The following CAMTA2 variants were observed in gnomAD, a reference collection of about 807,000 sequenced individuals.
CAMTA2 encodes calmodulin binding transcription activator 2, also known as calmodulin-binding transcription activator 2.
In CAMTA2, 56 loss-of-function variants were observed where a neutral mutation model predicts 135.7. That is an observed-to-expected ratio of 0.41 (90% CI 0.33 to 0.52). The LOEUF is 0.52. CAMTA2 is among the 20% of genes least tolerant of loss of function. CAMTA2 has a pLI of 0.16. For synonymous variants in CAMTA2, 591 were observed against 604.6 expected (o/e 0.98, Z 0.33); for missense variants, 1,358 against 1,553.4 (o/e 0.87, Z 2.11).
At chr17:4,971,022 C>T (rs1276153171) in intron 16 of CAMTA2, among the ~76,000 whole-genome samples, 1 of 152,226 alleles carries the variant, frequency 6.6e-6, no homozygotes, top group East Asian at 1.9e-4. Flanking sequence ...ACACTCAACA[C>T]AACCTACTTG....
At chr17:4,985,671 G>A (rs1973231491) in intron 3 of CAMTA2, among the ~76,000 whole-genome samples, 2 of 152,030 alleles carry the variant, frequency 1.3e-5, no homozygotes, top group African/African-American at 4.8e-5. Context: ...TGATCCACCC[G>A]CCTCAGCCTC....
rs1236535137 is a variant in CAMTA2 at position 4,980,521 on chromosome 17, A to T, written c.801T>A (p.Ala267=). 7 of 1,416,232 alleles carry T rather than the reference A, an allele frequency of 4.9e-6. No individual in the cohort carries two copies. The African/African-American group carries it at 5.8e-5, about 12-fold the overall frequency. 87.7% of individuals were successfully genotyped at this position (1,416,232 alleles called of 1,614,324 possible). The part of the protein sequence containing the change: ...RALTLTSIPH[A]HPPEPPPLIA... ...TCAGTGGAGGAGGCTCTGGGGGGTG[A>T]GCGTGGGGGATAGAGGTCAGGGTTA... Residue 267 remains alanine (A), a synonymous_variant, in exon 9 of 23, where the codon GCT becomes GCA. Transcript: ENST00000348066. The surrounding 1 kb of genome is among the most constrained non-coding windows in gnomAD (Gnocchi z 5.3).
chr17:4,979,896 AG>A lies in CAMTA2; in HGVS notation c.1425del (p.Leu476TrpfsTer7). ...CTTCCTACCCTGCTTGACGGCTCCAAGGGGGCAGGTGAGGGTGGGGGTGAGG... is the reference window on the plus strand; with the variant it reads ...CTTCCTACCCTGCTTGACGGCTCCAAGGGGCAGGTGAGGGTGGGGGTGAGG... ...PPPSPPPSPA[P>X]LEPSSRVGRG... On this transcript the variant is annotated frameshift_variant, in exon 9 of 23. Transcript: ENST00000348066. LOFTEE classifies it high-confidence loss of function. 8.1e-7 allele frequency: 1 copy of A among 1,235,656 alleles called. No homozygotes were observed. Among genetic ancestry groups the A allele is most frequent in the Non-Finnish European group, 1.1e-6 (1 of 928,398 alleles). The allele number at this position is 1,235,656 out of a possible 1,614,324, so 76.5% of individuals were successfully genotyped here.
Position 4,969,202 on chromosome 17 carries a change from G to A in CAMTA2, c.3418C>T (p.Arg1140Cys), listed in dbSNP as rs752225305. 1.9e-6 allele frequency: 3 copies of A among 1,612,210 alleles called. No individual in the cohort carries two copies. The highest frequency in any genetic ancestry group is 2.5e-6 in the Non-Finnish European group (3 of 1,179,878). Residue 1140 changes from arginine to cysteine, a missense_variant, in exon 21 of 23, where the codon CGC becomes TGC. This residue lies in a region of CAMTA2 where 167 missense variants were observed against 207.0 expected (regional missense o/e 0.81). Transcript: ENST00000348066. This position sits in a 1 kb window ranked among gnomAD's most constrained non-coding sequence, Gnocchi z 5.6. ...LIQQHYRSYR[R>C]RPGPPHRTSA... is the part of the protein sequence containing the mutation. Reference sequence around the variant, plus strand: ...GTCCGGTGGGGAGGGCCGGGCCTGCGGCGGTAGGAGCGGTAGTGCTGCTGG... The same window carrying A: ...GTCCGGTGGGGAGGGCCGGGCCTGCAGCGGTAGGAGCGGTAGTGCTGCTGG...
chr17:4,981,410 G>A (rs947016124), intron 7 of CAMTA2, 51 bp from the exon 8 acceptor site: 3 of 1,599,712 alleles, frequency 1.9e-6, no homozygotes, highest in Non-Finnish European at 2.6e-6. Context: ...ACAGGCCCCA[G>A]AGTACCTTGA....
At position 4,981,374 on chromosome 17, in the gene CAMTA2, G is replaced by T; in HGVS notation, c.566-15C>A. On this transcript the variant is annotated splice_polypyrimidine_tract_variant and intron_variant, in intron 7 of 22. Transcript: ENST00000348066. ...GATGCCATGAACTAGAGAAGTTAGG[G>T]GGAAGTGCTGTGGGATCCCCACGAA... The T allele has an allele frequency of 2.5e-6, 4 of 1,613,220 alleles. No individual in the cohort carries two copies. The highest frequency in any genetic ancestry group is 3.4e-6 in the Non-Finnish European group (4 of 1,179,322).
chr17:4,982,464 G>A (rs1168807709), intron 5 of CAMTA2, among the ~76,000 whole-genome samples: 2 of 152,236 alleles, frequency 1.3e-5, no homozygotes, highest in East Asian at 3.8e-4. Context: ...AACCTGTGCT[G>A]AGAGCATCAT....
intron 6 of CAMTA2, 34 bp from the exon 7 acceptor site, chr17:4,981,865 G>T: frequency 6.4e-7 from 1 of 1,559,360 alleles, no homozygotes; most frequent in Non-Finnish European, 8.7e-7. Context: ...GAGCCATGGG[G>T]TCCTGAGGTC....
Position 4,980,346 on chromosome 17 carries a change from G to A in CAMTA2, c.976C>T (p.Leu326Phe). The A allele has an allele frequency of 6.2e-7, 1 of 1,614,114 alleles. No individual in the cohort carries two copies. The highest frequency in any genetic ancestry group is 8.5e-7 in the Non-Finnish European group (1 of 1,179,960). The change falls in exon 9 of 23, where the codon CTC becomes TTC. Residue 326 changes from leucine (L) to phenylalanine (F), a missense_variant. This residue lies in a region of CAMTA2 where 1,077 missense variants were observed against 1,127.5 expected (regional missense o/e 0.96). Transcript: ENST00000348066. The surrounding 1 kb of genome is among the most constrained non-coding windows in gnomAD (Gnocchi z 5.3). ...GGSSRGGTAILLLTGLEQRAG... is the reference protein window; with the variant it reads ...GGSSRGGTAIFLLTGLEQRAG... ...CGCTGCTCCAGTCCTGTCAGGAGGA[G>A]GATAGCAGTGCCTCCTCTTGAAGAA...
chr17:4,972,262 A>G lies in CAMTA2; in HGVS notation c.2778T>C (p.Ala926=), dbSNP rs779053378. The G allele has an allele frequency of 1.2e-6, 2 of 1,614,034 alleles. No individual in the cohort carries two copies. Among genetic ancestry groups the G allele is most frequent in the Non-Finnish European group, 1.7e-6 (2 of 1,179,962 alleles). The part of the protein sequence containing the change: ...ASDDGAAPED[A]DSPQAVDVIP... ...TCACATCCACAGCCTGTGGGCTGTC[A>G]GCGTCCTCTGGAGCAGCCCCATCAT... is the stretch of plus-strand genomic sequence containing the variant. Residue 926 remains alanine, a synonymous_variant, in exon 16 of 23, where the codon GCT becomes GCC. Coordinates refer to ENST00000348066, the MANE Select transcript of CAMTA2 (RefSeq NM_015099.4).
intron 16 of CAMTA2, among the ~76,000 whole-genome samples, chr17:4,971,691 CTTTTT>C (rs748274165): frequency 5.3e-5 from 7 of 131,864 alleles, no homozygotes; most frequent in African/African-American, 2.0e-4. Flanking sequence ...ACTATTTTGT[CTTTTT>C]TTTTTTTTTT....
At position 4,970,094 on chromosome 17, in the gene CAMTA2, G is replaced by A. The variant is rs755961880; in HGVS notation, c.3006-9C>T. ...GCTCAAAGGGCAGTTCGCTGTAGGC[G>A]GTAGGGAAAGAGGGTGTCATGAAGC... On this transcript the variant is annotated splice_polypyrimidine_tract_variant and intron_variant, in intron 17 of 22. Coordinates refer to ENST00000348066, the MANE Select transcript of CAMTA2 (RefSeq NM_015099.4). 8.1e-6 allele frequency: 13 copies of A among 1,612,556 alleles called. No homozygotes were observed. The highest frequency in any genetic ancestry group is 1.1e-5 in the Non-Finnish European group (13 of 1,179,154).
Position 4,972,511 on chromosome 17 carries a change from C to T in CAMTA2, c.2529G>A (p.Ser843=), listed in dbSNP as rs765210809. The change falls in exon 16 of 23, where the codon TCG becomes TCA. Residue 843 remains serine, a synonymous_variant. Coordinates refer to ENST00000348066, the MANE Select transcript of CAMTA2 (RefSeq NM_015099.4). The part of the protein sequence containing the change: ...DTGLSSVSSP[S]ELSDGTFSVT... ...CGGAAAAGGTGCCATCCGACAGCTC[C>T]GAGGGCGAGGAGACGCTGCTCAGAC... The T allele has an allele frequency of 1.7e-5, 28 of 1,607,974 alleles. No homozygotes were observed. The highest frequency in any genetic ancestry group is 2.2e-5 in the Non-Finnish European group (26 of 1,177,720).
chr17:4,983,068 G>A, intron 3 of CAMTA2, 25 bp from the exon 4 acceptor site: 1 of 1,596,894 alleles, frequency 6.3e-7, no homozygotes, highest in South Asian at 1.1e-5. Context: ...GCACTCAGCT[G>A]GGCATCTCCT....
At chr17:4,979,605 G>A (rs1972834652) in intron 9 of CAMTA2, 79 bp downstream of exon 9, 1 of 1,005,996 alleles carries the variant, frequency 9.9e-7, no homozygotes, top group Non-Finnish European at 1.5e-6. Context: ...AGACCACGGG[G>A]TAAGAGTTAA....
In CAMTA2 at chr17:4,969,105, C is replaced by A; in HGVS notation, c.3470+45G>T. On this transcript the variant is annotated intron_variant, in intron 21 of 22. Coordinates refer to ENST00000348066, the MANE Select transcript of CAMTA2 (RefSeq NM_015099.4). The surrounding 1 kb of genome is among the most constrained non-coding windows in gnomAD (Gnocchi z 5.6). ...CAAGAGGATGAGTAAGGGGGAATGGCGTGGATGCAGTGGGTGGGCACAGAG... is the reference window on the plus strand; with the variant it reads ...CAAGAGGATGAGTAAGGGGGAATGGAGTGGATGCAGTGGGTGGGCACAGAG... 1.3e-6 allele frequency: 2 copies of A among 1,583,508 alleles called. No homozygotes were observed. Among genetic ancestry groups the A allele is most frequent in the South Asian group, 1.1e-5 (1 of 89,016 alleles).
chr17:4,980,064 C>A lies in CAMTA2; in HGVS notation c.1258G>T (p.Glu420Ter). ...GGACCCCGAGCAGCTGCCTGGGGCTCCAGGGCAGCAGCAGGCTCTAGGGCA... is the reference window on the plus strand; with the variant it reads ...GGACCCCGAGCAGCTGCCTGGGGCTACAGGGCAGCAGCAGGCTCTAGGGCA... Reference protein sequence around the residue: ...CSALEPAAALEPQAAARGPPP... With the variant: ...CSALEPAAAL The change falls in exon 9 of 23, where the codon GAG becomes TAG. Residue 420 changes from glutamate (E) to a stop codon, truncating the protein, a stop_gained. Transcript: ENST00000348066. LOFTEE classifies it high-confidence loss of function. This position sits in a 1 kb window ranked among gnomAD's most constrained non-coding sequence, Gnocchi z 5.3. The A allele has an allele frequency of 6.2e-7, 1 of 1,613,800 alleles. No homozygotes were observed. Among genetic ancestry groups the A allele is most frequent in the Non-Finnish European group, 8.5e-7 (1 of 1,179,918 alleles).
intron 3 of CAMTA2, 35 bp from the exon 4 acceptor site, chr17:4,983,078 T>G: frequency 6.4e-7 from 1 of 1,569,128 alleles, no homozygotes; most frequent in Non-Finnish European, 8.8e-7. Flanking sequence ...GGGCATCTCC[T>G]TCACAGAGAG....
In CAMTA2 at chr17:4,969,883, T is replaced by C. The variant is rs1210313451; in HGVS notation, c.3189+19A>G. 6.2e-7 allele frequency: 1 copy of C among 1,612,860 alleles called. No individual in the cohort carries two copies. Among genetic ancestry groups the C allele is most frequent in the South Asian group, 1.1e-5 (1 of 91,042 alleles). ...TGACTGGAGATTGTGTAATTCATCC[T>C]GAGACCCCTGCCCCTGACCTTGTAC... is the stretch of plus-strand genomic sequence containing the variant. On this transcript the variant is annotated intron_variant, in intron 18 of 22. Transcript: ENST00000348066. The surrounding 1 kb of genome is among the most constrained non-coding windows in gnomAD (Gnocchi z 5.6).
Sources: allele counts gnomAD v4.1 joint callset (sites outside exome capture counted in the v4.1 genomes callset), GRCh38; gene constraint gnomAD v4.1.1; regional missense constraint gnomAD v4.1.1; non-coding constraint Gnocchi (gnomAD v3.1); transcripts MANE v1.5; gene names NCBI Gene and HGNC (gene_info 2026-07-23, HGNC 2026-07-21).